Variants in CACNA2D4 observed in about 807,000 individuals in gnomAD.
CACNA2D4 encodes the protein voltage-dependent calcium channel subunit alpha-2/delta-4.
In CACNA2D4, 157 loss-of-function variants were observed where a neutral mutation model predicts 163.8. The ratio of observed to expected loss-of-function variants is 0.96; its 90% CI spans 0.84 to 1.09. CACNA2D4 has a LOEUF of 1.09. Among genes scored for constraint, CACNA2D4 ranks in the 50% least tolerant of loss-of-function variants. The pLI is 0.00. For synonymous variants in CACNA2D4, 598 were observed against 586.9 expected (o/e 1.02, Z -0.27); for missense variants, 1,410 against 1,479.9 (o/e 0.95, Z 0.78).
rs774405268 is a variant in CACNA2D4 at position 1,878,278 on chromosome 12, C to T, written c.1719+37G>A. ...TTGTGAATTACCCCCAAATCCCATA[C>T]AGTAAGGATCCCAAGGCAAAGAAGA... is the stretch of plus-strand genomic sequence containing the variant. On this transcript the variant is annotated intron_variant, in intron 16 of 37. Transcript: ENST00000382722. The surrounding 1 kb of genome is among the most constrained non-coding windows in gnomAD (Gnocchi z 4.6). 27 of 1,552,262 alleles carry T rather than the reference C, an allele frequency of 1.7e-5. No homozygotes were observed. The Admixed American group carries it at 3.1e-4, about 18-fold the overall frequency.
At chr12:1,825,099 T>A (rs899127446) in intron 26 of CACNA2D4, among the ~76,000 whole-genome samples, 30 of 152,354 alleles carry the variant, frequency 2.0e-4, no homozygotes, top group African/African-American at 7.2e-4. Context: ...GTCTGCATTG[T>A]GGGGACTTGC....
intron 29 of CACNA2D4, chr12:1,809,622 A>AT: frequency 1.4e-6 from 1 of 693,714 alleles, no homozygotes; most frequent in East Asian, 2.7e-5. Context: ...GTATAAAAAT[A>AT]TTATTGTACT....
In CACNA2D4 at chr12:1,913,131, C is replaced by T. The variant is rs528334716; in HGVS notation, c.318G>A (p.Lys106=). Residue 106 remains lysine, a synonymous_variant, in exon 3 of 38, where the codon AAG becomes AAA. Transcript: ENST00000382722. The stretch of plus-strand genomic sequence containing the variant: ...CGATCTTCAGACTGGACTCCACATC[C>T]TTGTACTTCTGTTTGGGGAAAGTGG... The part of the protein sequence containing the change: ...SGSLLLQKKY[K]DVESSLKIEE... The T allele has an allele frequency of 9.8e-5, 158 of 1,611,682 alleles. 1 individual carries two copies. In the East Asian group the frequency reaches 2.6e-3, roughly 26 times the overall value.
chr12:1,885,806 C>T (rs575442928), intron 9 of CACNA2D4, among the ~76,000 whole-genome samples, 159 bp downstream of exon 9: 9 of 152,230 alleles, frequency 5.9e-5, no homozygotes, highest in African/African-American at 2.2e-4. Context: ...GTTTACAGGG[C>T]GGTTCCCTGG....
chr12:1,850,953 C>A (rs1865265121), intron 23 of CACNA2D4, among the ~76,000 whole-genome samples: 1 of 152,038 alleles, frequency 6.6e-6, no homozygotes, highest in South Asian at 2.1e-4. Flanking sequence ...CATGACCATG[C>A]CTCATTGCAG....
At chr12:1,846,839 G>A (rs377327157) in intron 23 of CACNA2D4, 150 bp from the exon 24 acceptor site, 15 of 688,036 alleles carry the variant, frequency 2.2e-5, no homozygotes, top group South Asian at 5.0e-5. Flanking sequence ...GGAAGGGGCC[G>A]GGACACGCAC....
At chr12:1,893,299 C>T (rs563968043) in intron 6 of CACNA2D4, among the ~76,000 whole-genome samples, 9 of 152,110 alleles carry the variant, frequency 5.9e-5, no homozygotes, top group East Asian at 1.9e-4. Flanking sequence ...GGGTGGATCA[C>T]GAGGTCAGGA....
chr12:1,831,177 C>T, intron 26 of CACNA2D4: 1 of 1,613,974 alleles, frequency 6.2e-7, no homozygotes, highest in Non-Finnish European at 8.5e-7. Flanking sequence ...CAACAACTTC[C>T]TGGACCGGCT....
At chr12:1,872,517 A>C (rs1446319598) in intron 18 of CACNA2D4, among the ~76,000 whole-genome samples, 1 of 152,192 alleles carries the variant, frequency 6.6e-6, no homozygotes, top group Non-Finnish European at 1.5e-5. Flanking sequence ...TCTACTGAGA[A>C]ACCAGCTCGT....
Position 1,874,749 on chromosome 12 carries a change from A to G in CACNA2D4, c.1807-74T>C. 9.4e-7 allele frequency: 1 copy of G among 1,064,250 alleles called. No individual in the cohort carries two copies. Among genetic ancestry groups the G allele is most frequent in the Non-Finnish European group, 1.5e-6 (1 of 685,144 alleles). The allele number at this position is 1,064,250 out of a possible 1,614,324, so 65.9% of individuals were successfully genotyped here. On this transcript the variant is annotated intron_variant, in intron 17 of 37. Coordinates refer to ENST00000382722, the MANE Select transcript of CACNA2D4 (RefSeq NM_172364.5). This position sits in a 1 kb window ranked among gnomAD's most constrained non-coding sequence, Gnocchi z 4.4. Reference sequence around the variant, plus strand: ...GTGAAAGTATGGCATTCTTCAGACCAGATTAGAGGTGATCCCCAGAAACAC... The same window carrying G: ...GTGAAAGTATGGCATTCTTCAGACCGGATTAGAGGTGATCCCCAGAAACAC...
Position 1,883,056 on chromosome 12 carries a change from C to G in CACNA2D4, c.1352-56G>C. ...AGGCAGGGCTTCCCTGGGAACCCCT[C>G]GCCAGGGCCTGCACCCTCCCCAGCT... is the stretch of plus-strand genomic sequence containing the variant. On this transcript the variant is annotated intron_variant, in intron 12 of 37. Coordinates refer to ENST00000382722, the MANE Select transcript of CACNA2D4 (RefSeq NM_172364.5). The surrounding 1 kb of genome is among the most constrained non-coding windows in gnomAD (Gnocchi z 4.5). The G allele has an allele frequency of 6.4e-7, 1 of 1,562,720 alleles. No individual in the cohort carries two copies. The highest frequency in any genetic ancestry group is 8.7e-7 in the Non-Finnish European group (1 of 1,151,724).
intron 6 of CACNA2D4, among the ~76,000 whole-genome samples, chr12:1,895,746 C>A (rs1198779992): frequency 6.6e-6 from 1 of 152,270 alleles, no homozygotes; most frequent in Admixed American, 6.5e-5. Context: ...ATCCTCCCAC[C>A]TCAGCCTTCT....
intron 7 of CACNA2D4, 41 bp from the exon 8 acceptor site, chr12:1,886,414 A>T (rs757796079): frequency 6.3e-6 from 10 of 1,591,526 alleles, no homozygotes; most frequent in Non-Finnish European, 8.6e-6. Context: ...GGAAAACCAA[A>T]GCCGGAACCA....
chr12:1,884,031 G>A, intron 12 of CACNA2D4: 1 of 529,148 alleles, frequency 1.9e-6, no homozygotes, highest in Non-Finnish European at 3.4e-6. Flanking sequence ...TTTGCTGAAA[G>A]AAAGAATGGG....
intron 26 of CACNA2D4, among the ~76,000 whole-genome samples, chr12:1,823,429 G>A (rs770661258): frequency 2.0e-5 from 3 of 152,116 alleles, no homozygotes; most frequent in Admixed American, 6.5e-5. Context: ...CGGCTGTTCC[G>A]TGCTCTGAGG....
intron 23 of CACNA2D4, among the ~76,000 whole-genome samples, chr12:1,848,323 G>A (rs920529762): frequency 6.6e-6 from 1 of 152,182 alleles, no homozygotes; most frequent in Non-Finnish European, 1.5e-5. Context: ...GGGATTCTCC[G>A]GTTCTGGCCT....
chr12:1,840,876 G>A, intron 25 of CACNA2D4, 57 bp from the exon 26 acceptor site: 1 of 1,444,066 alleles, frequency 6.9e-7, no homozygotes. Context: ...GGCAGGTGGA[G>A]CGCTACCACT....
At position 1,797,465 on chromosome 12, in the gene CACNA2D4, C is replaced by G; in HGVS notation, c.3066G>C (p.Pro1022=). ...DTEYPVFVYQ[P]AIREANGIVE... is the part of the protein sequence containing the mutation. ...CGATCCCGTTGGCCTCCCGGATGGCCGGCTGGTACACGAACACGGGGTACT... is the reference window on the plus strand; with the variant it reads ...CGATCCCGTTGGCCTCCCGGATGGCGGGCTGGTACACGAACACGGGGTACT... Residue 1022 remains proline, a synonymous_variant, in exon 35 of 38, where the codon CCG becomes CCC. Transcript: ENST00000382722. 2 of 1,584,812 alleles carry G rather than the reference C, an allele frequency of 1.3e-6. No homozygotes were observed. The highest frequency in any genetic ancestry group is 8.6e-7 in the Non-Finnish European group (1 of 1,168,652).
intron 29 of CACNA2D4, among the ~76,000 whole-genome samples, chr12:1,808,941 C>T (rs983129924): frequency 2.6e-5 from 4 of 152,162 alleles, no homozygotes; most frequent in African/African-American, 4.8e-5. Flanking sequence ...CAGAGGCAGG[C>T]GCCCAGGTGA....
Sources: gnomAD v4.1 joint callset for allele counts (sites outside exome capture counted in the v4.1 genomes callset) on GRCh38, gnomAD v4.1.1 for gene constraint, Gnocchi (gnomAD v3.1) non-coding constraint, MANE v1.5 for transcripts, NCBI Gene and HGNC (gene_info 2026-07-23, HGNC 2026-07-21) for gene names.